Variants in DPP6 observed in about 807,000 individuals in gnomAD.
The protein encoded by DPP6 is dipeptidyl peptidase like 6.
Under a neutral mutation model 122.6 loss-of-function variants are expected in DPP6, and 69 were observed. The ratio of observed to expected loss-of-function variants is 0.56; its 90% CI spans 0.46 to 0.69. The LOEUF is 0.69. Ranked by LOEUF, DPP6 falls within the 30% of genes least tolerant of loss-of-function variation. The pLI, the probability that DPP6 is intolerant of heterozygous loss-of-function variation, is 0.00. For synonymous variants in DPP6, 418 were observed against 433.1 expected (o/e 0.97, Z 0.43); for missense variants, 928 against 1,116.9 (o/e 0.83, Z 2.41).
Position 154,566,889 on chromosome 7 carries a change from T to C in DPP6, c.600T>C (p.Tyr200=), listed in dbSNP as rs1365335980. ...ATGAAATATCTCCAGATAGAGAGTA[T>C]GCACTTTTTTCATACAATGTGGAAC... The part of the protein sequence containing the change: ...IRYEISPDRE[Y]ALFSYNVEPI... Residue 200 remains tyrosine, a synonymous_variant, in exon 5 of 26, where the codon TAT becomes TAC. Coordinates refer to ENST00000377770, the MANE Select transcript of DPP6 (RefSeq NM_130797.4). 6.2e-7 allele frequency: 1 copy of C among 1,608,654 alleles called. No homozygotes were observed. Among genetic ancestry groups the C allele is most frequent in the East Asian group, 2.2e-5 (1 of 44,714 alleles).
At chr7:154,061,717 C>CAAT (rs1563154358) in intron 1 of DPP6, among the ~76,000 whole-genome samples, 1 of 90,316 alleles carries the variant, frequency 1.1e-5, no homozygotes, top group Non-Finnish European at 2.5e-5. Flanking sequence ...GCAATCCCCG[C>CAAT]GAGGCGGGGA....
intron 1 of DPP6, among the ~76,000 whole-genome samples, chr7:154,068,344 G>A (rs1245423381): frequency 1.4e-5 from 2 of 148,088 alleles, no homozygotes; most frequent in African/African-American, 5.1e-5. Context: ...GAGGGCTGGA[G>A]AACAAGCTGG....
chr7:154,190,236 G>A (rs959538208), intron 1 of DPP6, among the ~76,000 whole-genome samples: 3 of 152,150 alleles, frequency 2.0e-5, no homozygotes, highest in Non-Finnish European at 4.4e-5. Context: ...ATGGAATGGC[G>A]CTGCCAGGAA....
intron 1 of DPP6, among the ~76,000 whole-genome samples, chr7:154,166,697 G>A (rs1797270138): frequency 7.0e-6 from 1 of 143,006 alleles, no homozygotes; most frequent in African/African-American, 3.0e-5. Context: ...GATCACCTGA[G>A]GTCAGGAGTT....
chr7:154,483,781 A>G lies in DPP6; in HGVS notation c.457+8744A>G, dbSNP rs1586416485. Among the ~76,000 whole-genome samples the G allele has an allele frequency of 6.6e-6, 1 of 151,894 alleles. No homozygotes were observed. Among genetic ancestry groups the G allele is most frequent in the Non-Finnish European group, 1.5e-5 (1 of 67,980 alleles). On this transcript the variant is annotated intron_variant, in intron 3 of 25. Transcript: ENST00000377770. The surrounding 1 kb of genome is among the most constrained non-coding windows in gnomAD (Gnocchi z 8.1). Reference sequence around the variant, plus strand: ...ACAATCTTGGCTCACTGCAACCTCCACCTCCCGGGTTCAAGCGATTCTCCT... The same window carrying G: ...ACAATCTTGGCTCACTGCAACCTCCGCCTCCCGGGTTCAAGCGATTCTCCT...
At chr7:153,946,060 C>G (rs371115257) in intron 1 of DPP6, among the ~76,000 whole-genome samples, 2 of 152,234 alleles carry the variant, frequency 1.3e-5, no homozygotes, top group South Asian at 4.1e-4. Context: ...GGCACAGACA[C>G]AAGAAACATA....
At chr7:154,718,579 C>A (rs1474402748) in intron 7 of DPP6, among the ~76,000 whole-genome samples, 1 of 151,616 alleles carries the variant, frequency 6.6e-6, no homozygotes, top group Non-Finnish European at 1.5e-5. Context: ...CACTGTGGAA[C>A]CCACAGTGAG....
At chr7:153,966,473 C>T (rs1477648566) in intron 1 of DPP6, among the ~76,000 whole-genome samples, 14 of 147,910 alleles carry the variant, frequency 9.5e-5, no homozygotes, top group African/African-American at 1.5e-4. Context: ...CTTTACCTCC[C>T]GCCTTGGCCC....
In DPP6 at chr7:154,576,330, A is replaced by G. The variant is rs953554446; in HGVS notation, c.627+9414A>G. ...GCCACGAGACCTGACCCCACACTCC[A>G]CACTCCACACTCTGCCCAACCACGA... On this transcript the variant is annotated intron_variant, in intron 5 of 25. Coordinates refer to ENST00000377770, the MANE Select transcript of DPP6 (RefSeq NM_130797.4). Among the ~76,000 whole-genome samples the G allele has an allele frequency of 5.3e-5, 8 of 151,988 alleles. No individual in the cohort carries two copies. The East Asian group carries it at 1.4e-3, about 26-fold the overall frequency.
chr7:153,927,493 G>A (rs1800955556), intron 1 of DPP6, among the ~76,000 whole-genome samples: 1 of 152,130 alleles, frequency 6.6e-6, no homozygotes, highest in Admixed American at 6.5e-5. Flanking sequence ...AATTGTGTGT[G>A]TCATAAATGA....
rs569604207 is a variant in DPP6, at chr7:154,587,783, T to C, written c.627+20867T>C. 5 of 1,610,372 alleles carry C rather than the reference T, an allele frequency of 3.1e-6. No homozygotes were observed. In the Admixed American group the frequency reaches 8.4e-5, roughly 27 times the overall value. On this transcript the variant is annotated intron_variant, in intron 5 of 25. Coordinates refer to ENST00000377770, the MANE Select transcript of DPP6 (RefSeq NM_130797.4). ...CATTACATCACCATGTCTCTTCCTC[T>C]TCACTGCCTGCGTGACTATGTCTCG...
chr7:154,818,308 A>C (rs1433724122), intron 16 of DPP6, among the ~76,000 whole-genome samples: 3 of 152,182 alleles, frequency 2.0e-5, no homozygotes, highest in African/African-American at 7.2e-5. Context: ...TCTGTCATAC[A>C]TCTTTTGAAT....
intron 5 of DPP6, among the ~76,000 whole-genome samples, chr7:154,569,991 C>T (rs1220328198): frequency 6.6e-6 from 1 of 151,866 alleles, no homozygotes; most frequent in Admixed American, 6.6e-5. Context: ...CAATGAATGT[C>T]AGCTCTCCTA....
At chr7:154,345,354 AG>A (rs1212366956) in intron 1 of DPP6, among the ~76,000 whole-genome samples, 3 of 152,164 alleles carry the variant, frequency 2.0e-5, no homozygotes, top group Non-Finnish European at 4.4e-5. Flanking sequence ...CATGGAATTG[AG>A]GGGGCACACA....
the DPP6 span, among the ~76,000 whole-genome samples, chr7:153,864,919 A>T: frequency 6.6e-6 from 1 of 152,130 alleles, no homozygotes; most frequent in Non-Finnish European, 1.5e-5. Flanking sequence ...CAGTGAAAAG[A>T]GCCCAGGGAG....
At position 154,821,606 on chromosome 7, in the gene DPP6, T is replaced by C. The variant is rs1489938414; in HGVS notation, c.1666+14494T>C. On this transcript the variant is annotated intron_variant, in intron 16 of 25. Coordinates refer to ENST00000377770, the MANE Select transcript of DPP6 (RefSeq NM_130797.4). This position sits in a 1 kb window ranked among gnomAD's most constrained non-coding sequence, Gnocchi z 4.2. ...TTTCAAATGAAATGTTAAGTGAATA[T>C]ATATATATATATTTTTTTTCTGTAT... Among the ~76,000 whole-genome samples the C allele has an allele frequency of 2.1e-5, 1 of 46,936 alleles. No individual in the cohort carries two copies. The highest frequency in any genetic ancestry group is 6.6e-5 in the African/African-American group (1 of 15,218). The allele number at this position is 46,936 out of a possible 152,430, so 30.8% of individuals were successfully genotyped here.
intron 1 of DPP6, among the ~76,000 whole-genome samples, chr7:154,116,761 A>G (rs980108038): frequency 7.9e-5 from 12 of 152,222 alleles, no homozygotes; most frequent in African/African-American, 2.9e-4. Context: ...AGATACCTCA[A>G]TTAGTCAAGA....
the DPP6 span, among the ~76,000 whole-genome samples, chr7:153,855,179 G>A: frequency 6.7e-6 from 1 of 150,028 alleles, no homozygotes; most frequent in Non-Finnish European, 1.5e-5. Context: ...CATGGCACAT[G>A]TATACATATG....
Position 154,298,804 on chromosome 7 carries a change from G to A in DPP6, c.244-147410G>A, listed in dbSNP as rs114974064. On this transcript the variant is annotated intron_variant, in intron 1 of 25. Coordinates refer to ENST00000377770, the MANE Select transcript of DPP6 (RefSeq NM_130797.4). ...GAAACTCTTCCTCTCGAAGCCTGGG[G>A]GAGGGACAGACTTTGGACCAAGTTC... Among the ~76,000 whole-genome samples, 471 of 152,230 alleles carry A rather than the reference G, an allele frequency of 3.1e-3. 1 individual carries two copies. Among genetic ancestry groups the A allele is most frequent in the African/African-American group, 0.011 (450 of 41,542 alleles).
Sources: allele counts gnomAD v4.1 joint callset (sites outside exome capture counted in the v4.1 genomes callset), GRCh38; gene constraint gnomAD v4.1.1; non-coding constraint Gnocchi (gnomAD v3.1); transcripts MANE v1.5; gene names NCBI Gene and HGNC (gene_info 2026-07-23, HGNC 2026-07-21).